Variants in GOLGA8M observed in about 807,000 individuals in gnomAD.
GOLGA8M encodes golgin A8 family member M.
GOLGA8M carries 34 observed loss-of-function variants against 87.7 expected under a neutral mutation model. The ratio of observed to expected loss-of-function variants is 0.39; its 90% CI spans 0.29 to 0.52. The LOEUF (loss-of-function observed/expected upper bound fraction) is 0.52, where lower values mean the gene tolerates loss of function less well. Among genes scored for constraint, GOLGA8M ranks in the 20% least tolerant of loss-of-function variants. The probability of loss-of-function intolerance (pLI) is 0.80; values close to 1 mark genes in which losing one functional copy is unlikely to be tolerated. For synonymous variants in GOLGA8M, 138 were observed against 250.2 expected (o/e 0.55, Z 4.23); for missense variants, 396 against 682.2 (o/e 0.58, Z 4.67).
chr15:28,704,166 G>A (rs2079930065), intron 13 of GOLGA8M, among the ~76,000 whole-genome samples: 1 of 148,414 alleles, frequency 6.7e-6, no homozygotes, highest in Non-Finnish European at 1.5e-5. Context: ...CTGATAGGTG[G>A]CCACGGACTG....
rs2080063145 is a variant in GOLGA8M, at chr15:28,707,321, C to T, written c.591+427G>A. Among the ~76,000 whole-genome samples, 2 of 137,432 alleles carry T rather than the reference C, an allele frequency of 1.5e-5. 1 individual carries two copies. Among genetic ancestry groups the T allele is most frequent in the South Asian group, 4.6e-4 (2 of 4,306 alleles). The allele number at this position is 137,432 out of a possible 152,430, so 90.2% of individuals were successfully genotyped here. A position where few individuals can be genotyped will look rare whatever the true frequency, so the allele number is the denominator to read the frequency against. ...TGCTCTCTCCTGAATTTTTTATGAA[C>T]CCTTGCAGACATGTTTTATGTATAT... On this transcript the variant is annotated intron_variant, in intron 8 of 18. Coordinates refer to ENST00000563027, the MANE Select transcript of GOLGA8M (RefSeq NM_001282468.3).
intron 13 of GOLGA8M, 53 bp from the exon 14 acceptor site, chr15:28,703,970 T>G: frequency 6.3e-7 from 1 of 1,587,996 alleles, no homozygotes; most frequent in Non-Finnish European, 8.5e-7. Flanking sequence ...GTCGTCCCCC[T>G]CACAGCCCCA....
rs2079789544 is a variant in GOLGA8M at position 28,701,701 on chromosome 15, G to T, written c.*253C>A. Among the ~76,000 whole-genome samples the T allele has an allele frequency of 6.6e-6, 1 of 152,056 alleles. No homozygotes were observed. The highest frequency in any genetic ancestry group is 1.5e-5 in the Non-Finnish European group (1 of 68,036). On this transcript the variant is annotated 3_prime_UTR_variant, in exon 19 of 19. Coordinates refer to ENST00000563027, the MANE Select transcript of GOLGA8M (RefSeq NM_001282468.3). ...ACGTAAGGGCAAACTCGATATGCAT[G>T]CTAATGACCTACAATTATGAAATTA...
Position 28,708,357 on chromosome 15 carries a change from G to T in GOLGA8M, c.348+18C>A. The T allele has an allele frequency of 6.2e-7, 1 of 1,600,332 alleles. No homozygotes were observed. The highest frequency in any genetic ancestry group is 8.5e-7 in the Non-Finnish European group (1 of 1,176,380). On this transcript the variant is annotated intron_variant, in intron 5 of 18. Coordinates refer to ENST00000563027, the MANE Select transcript of GOLGA8M (RefSeq NM_001282468.3). The stretch of plus-strand genomic sequence containing the variant: ...CTTCTTCCAGCAGTCATGTTGCAAG[G>T]AAACGAAATCACGTTACTTCTTCCA...
Position 28,702,066 on chromosome 15 carries a change from T to C in GOLGA8M, c.1787A>G (p.Asp596Gly). Residue 596 changes from aspartate to glycine, a missense_variant, in exon 19 of 19, where the codon GAC becomes GGC. This residue lies in a region of GOLGA8M where 35 missense variants were observed against 61.4 expected (regional missense o/e 0.57). Coordinates refer to ENST00000563027, the MANE Select transcript of GOLGA8M (RefSeq NM_001282468.3). ...CACGATCGGCTGTGCAGTAGGCTTGTCAAGGAGAGGATCCTCCCTGGCCTC... is the reference window on the plus strand; with the variant it reads ...CACGATCGGCTGTGCAGTAGGCTTGCCAAGGAGAGGATCCTCCCTGGCCTC... Reference protein sequence around the residue: ...QGEAREDPLLDKPTAQPIVQD... With the variant: ...QGEAREDPLLGKPTAQPIVQD... 6.3e-7 allele frequency: 1 copy of C among 1,592,636 alleles called. No individual in the cohort carries two copies. The highest frequency in any genetic ancestry group is 8.5e-7 in the Non-Finnish European group (1 of 1,177,802).
At chr15:28,706,732 G>A (rs1318123435) in intron 8 of GOLGA8M, 33 bp from the exon 9 acceptor site, 4 of 1,443,380 alleles carry the variant, frequency 2.8e-6, no homozygotes, top group African/African-American at 1.5e-5. Context: ...TTTCAATCTG[G>A]AGAGCCTGGG....
chr15:28,710,941 TAG>T (rs1435979465), intron 1 of GOLGA8M, among the ~76,000 whole-genome samples: 6 of 142,326 alleles, frequency 4.2e-5, no homozygotes, highest in African/African-American at 1.1e-4. Flanking sequence ...CCATGTGGTT[TAG>T]AGTCATACAT....
rs1273576564 is a variant in GOLGA8M, at chr15:28,707,953, C to A, written c.481G>T (p.Glu161Ter). 6.3e-7 allele frequency: 1 copy of A among 1,594,202 alleles called. No individual in the cohort carries two copies. The highest frequency in any genetic ancestry group is 8.5e-7 in the Non-Finnish European group (1 of 1,178,520). Residue 161 changes from glutamate to a stop codon, truncating the protein, a stop_gained and splice_region_variant, in exon 7 of 19, where the codon GAA becomes TAA. Transcript: ENST00000563027. LOFTEE classifies it high-confidence loss of function. The stretch of plus-strand genomic sequence containing the variant: ...GATGACAGGGTGCCCAGATTCCCAC[C>A]TTCAAAGTATCTGAGAGAACGTTTC... The part of the protein sequence containing the change: ...HMKRSLRYFE[E>*]KSKDLAVRLQ...
At position 28,703,229 on chromosome 15, in the gene GOLGA8M, T is replaced by C. The variant is rs531942775; in HGVS notation, c.1368+90A>G. 1,132 of 816,280 alleles carry C rather than the reference T, an allele frequency of 1.4e-3. 45 individuals carry two copies. The highest frequency in any genetic ancestry group is 5.1e-3 in the South Asian group (333 of 65,280). The allele number at this position is 816,280 out of a possible 1,614,324, so 50.6% of individuals were successfully genotyped here. A position where few individuals can be genotyped will look rare whatever the true frequency, so the allele number is the denominator to read the frequency against. Reference sequence around the variant, plus strand: ...CAGAAGGGGTGAGGGTCCAGAGAAATCAGAAGGCAGGGAAACGAAGAGCAT... The same window carrying C: ...CAGAAGGGGTGAGGGTCCAGAGAAACCAGAAGGCAGGGAAACGAAGAGCAT... On this transcript the variant is annotated intron_variant, in intron 15 of 18. Coordinates refer to ENST00000563027, the MANE Select transcript of GOLGA8M (RefSeq NM_001282468.3).
intron 13 of GOLGA8M, among the ~76,000 whole-genome samples, chr15:28,704,670 T>TGG (rs2079950743): frequency 7.0e-6 from 1 of 142,740 alleles, no homozygotes; most frequent in African/African-American, 2.7e-5. Context: ...CTCCACCTCC[T>TGG]GGGTTGAAGC....
chr15:28,707,103 AG>A (rs2080056905), intron 8 of GOLGA8M, among the ~76,000 whole-genome samples: 3 of 135,574 alleles, frequency 2.2e-5, no homozygotes, highest in African/African-American at 9.5e-5. Flanking sequence ...TGCTTGCCTA[AG>A]TTCACTTAGG....
At chr15:28,712,714 T>C (rs2140951277), upstream of GOLGA8M, among the ~76,000 whole-genome samples, 1 of 152,338 alleles carries the variant, frequency 6.6e-6, no homozygotes, top group Admixed American at 6.5e-5. Flanking sequence ...TATATATATG[T>C]GTGTCCGTGT....
Position 28,705,227 on chromosome 15 carries a change from T to C in GOLGA8M, c.1132A>G (p.Asn378Asp), listed in dbSNP as rs755874078. 5.6e-6 allele frequency: 9 copies of C among 1,597,540 alleles called. No homozygotes were observed. The highest frequency in any genetic ancestry group is 4.5e-5 in the East Asian group (2 of 44,752). The change falls in exon 13 of 19, where the codon AAC becomes GAC. Residue 378 changes from asparagine to aspartate, a missense_variant and splice_region_variant. By Grantham distance (23) the Asn-to-Asp change is conservative (BLOSUM62 1). This residue lies in a region of GOLGA8M where 44 missense variants were observed against 46.7 expected (regional missense o/e 0.94). Coordinates refer to ENST00000563027, the MANE Select transcript of GOLGA8M (RefSeq NM_001282468.3). ...TGCAGTGTGCTCTTGTTCTCATTGT[T>C]CTGGACAGAGAGAAGCAATCAGCAG... is the stretch of plus-strand genomic sequence containing the variant. Reference protein sequence around the residue: ...AKPQSVFEEPNNENKSTLQLE... With the variant: ...AKPQSVFEEPDNENKSTLQLE...
chr15:28,704,831 C>T lies in GOLGA8M; in HGVS notation c.1200+328G>A, dbSNP rs373830559. ...CAAACTCCCGACCTCAAGTGATTCT[C>T]CTGCCTCAGCCTCCCAAAGTGCTGG... On this transcript the variant is annotated intron_variant, in intron 13 of 18. Transcript: ENST00000563027. 4.1e-5 allele frequency among the ~76,000 whole-genome samples: 6 copies of T among 145,816 alleles called. No individual in the cohort carries two copies. In the Admixed American group the frequency reaches 4.3e-4, roughly 10 times the overall value.
At position 28,704,531 on chromosome 15, in the gene GOLGA8M, C is replaced by T. The variant is rs373102656; in HGVS notation, c.1201-614G>A. ...GACTTAGAGATGCAAAGTACTTGAACGGTGACCAGTGGAACCGAGGCTGGA... is the reference window on the plus strand; with the variant it reads ...GACTTAGAGATGCAAAGTACTTGAATGGTGACCAGTGGAACCGAGGCTGGA... On this transcript the variant is annotated intron_variant, in intron 13 of 18. Transcript: ENST00000563027. Among the ~76,000 whole-genome samples the T allele has an allele frequency of 1.6e-4, 24 of 150,530 alleles. No homozygotes were observed. The South Asian group carries it at 3.8e-3, about 24-fold the overall frequency.
At chr15:28,704,389 C>G (rs996002590) in intron 13 of GOLGA8M, among the ~76,000 whole-genome samples, 1 of 147,146 alleles carries the variant, frequency 6.8e-6, no homozygotes, top group Non-Finnish European at 1.5e-5. Context: ...GACTGCCTCC[C>G]TTTCCTAGAA....
chr15:28,706,358 T>G, intron 10 of GOLGA8M, 41 bp downstream of exon 10: 1 of 623,956 alleles, frequency 1.6e-6, no homozygotes, highest in Non-Finnish European at 2.8e-6. Flanking sequence ...AAAGATCCAG[T>G]GACCTATCTA....
chr15:28,702,716 C>T lies in GOLGA8M; in HGVS notation c.1398G>A (p.Lys466=). The T allele has an allele frequency of 6.2e-7, 1 of 1,602,402 alleles. No individual in the cohort carries two copies. The highest frequency in any genetic ancestry group is 8.5e-7 in the Non-Finnish European group (1 of 1,179,656). The part of the protein sequence containing the change: ...MSSFMDHLEE[K]ADLSELVKKQ... ...TCTTCACAAGCTCACTCAGGTCTGC[C>T]TTCTCCTCCAGGTGGTCCATAAAGC... Residue 466 remains lysine, a synonymous_variant, in exon 16 of 19, where the codon AAG becomes AAA. Transcript: ENST00000563027.
upstream of GOLGA8M, among the ~76,000 whole-genome samples, chr15:28,712,954 C>T (rs188480771): frequency 0.016 from 2,355 of 150,306 alleles, 66 homozygotes; most frequent in African/African-American, 0.055. Flanking sequence ...ACAATGATTT[C>T]TCTTTTTTGG....
Sources: gnomAD v4.1 joint callset for allele counts (sites outside exome capture counted in the v4.1 genomes callset) on GRCh38, gnomAD v4.1.1 for gene constraint, gnomAD v4.1.1 regional missense constraint, MANE v1.5 for transcripts, NCBI Gene and HGNC (gene_info 2026-07-23, HGNC 2026-07-21) for gene names.